Variants in MIPOL1 observed in about 807,000 individuals in gnomAD.
MIPOL1 encodes mirror-image polydactyly 1, also known as mirror-image polydactyly gene 1 protein.
In MIPOL1, 57 loss-of-function variants were observed where a neutral mutation model predicts 60.9. The observed-to-expected ratio is 0.94, with a 90% CI of 0.76 to 1.17. The LOEUF (loss-of-function observed/expected upper bound fraction) is 1.17. Ranked by LOEUF, MIPOL1 falls within the 50% of genes most tolerant of loss-of-function variation. MIPOL1 has a pLI of 0.00. For synonymous variants in MIPOL1, 179 were observed against 168.8 expected, an observed-to-expected ratio of 1.06 and a Z score of -0.47; for missense variants, 551 against 511.6, an observed-to-expected ratio of 1.08 and a Z score of -0.74.
At chr14:37,376,024 A>G (rs1595478136) in intron 10 of MIPOL1, among the ~76,000 whole-genome samples, 6 of 152,158 alleles carry the variant, frequency 3.9e-5, no homozygotes, top group Admixed American at 3.9e-4. Context: ...TTATTTTTTA[A>G]AATAAACTTT....
chr14:37,400,872 G>A (rs923757825), intron 10 of MIPOL1: 9 of 152,214 alleles, frequency 5.9e-5, no homozygotes, highest in African/African-American at 2.2e-4. Context: ...GATATGAATA[G>A]CCTTGAGGAA....
chr14:37,317,931 A>C (rs189782677), intron 9 of MIPOL1, among the ~76,000 whole-genome samples: 205 of 152,318 alleles, frequency 1.3e-3, no homozygotes, highest in African/African-American at 4.8e-3. Context: ...TAAAACTTGC[A>C]AACAATTTCC....
At chr14:37,412,492 A>G (rs149961813) in intron 10 of MIPOL1, among the ~76,000 whole-genome samples, 5 of 152,268 alleles carry the variant, frequency 3.3e-5, no homozygotes, top group African/African-American at 1.2e-4. Context: ...TTATAATTGT[A>G]TACAATAAGG....
At chr14:37,484,579 G>A (rs1023113877) in intron 11 of MIPOL1, among the ~76,000 whole-genome samples, 1 of 151,496 alleles carries the variant, frequency 6.6e-6, no homozygotes, top group East Asian at 1.9e-4. Context: ...CTCGTGATCC[G>A]CCCCCCTCAG....
chr14:37,525,891 T>G (rs966065311), intron 12 of MIPOL1, among the ~76,000 whole-genome samples: 1 of 152,200 alleles, frequency 6.6e-6, no homozygotes, highest in Non-Finnish European at 1.5e-5. Context: ...TTTACATTGC[T>G]TTGTGCCCAT....
intron 10 of MIPOL1, among the ~76,000 whole-genome samples, chr14:37,398,979 A>C (rs2093430280): frequency 6.6e-6 from 1 of 152,210 alleles, no homozygotes. Flanking sequence ...AGAATACCTA[A>C]TAAGTAGGGA....
intron 11 of MIPOL1, among the ~76,000 whole-genome samples, chr14:37,483,929 A>G (rs145422419): frequency 0.014 from 2,178 of 152,256 alleles, 22 homozygotes; most frequent in Middle Eastern, 0.031. Context: ...AGCCGCCACA[A>G]CTGTCCTGAA....
chr14:37,234,258 C>T (rs557352766), intron 1 of MIPOL1, among the ~76,000 whole-genome samples: 236 of 151,772 alleles, frequency 1.6e-3, no homozygotes, highest in Middle Eastern at 3.4e-3. Context: ...GGCATGGTCA[C>T]GACAATTTTT....
intron 12 of MIPOL1, among the ~76,000 whole-genome samples, chr14:37,509,364 A>C (rs1037699123): frequency 4.0e-5 from 6 of 151,604 alleles, no homozygotes; most frequent in Non-Finnish European, 8.8e-5. Flanking sequence ...ACACACACAG[A>C]CTCAAAGAGT....
intron 10 of MIPOL1, among the ~76,000 whole-genome samples, chr14:37,376,796 T>C (rs1184754966): frequency 6.6e-6 from 1 of 152,170 alleles, no homozygotes; most frequent in Non-Finnish European, 1.5e-5. Context: ...TTTGAGTATG[T>C]ACTAAGGAGT....
At chr14:37,351,094 T>G in intron 9 of MIPOL1, among the ~76,000 whole-genome samples, 1 of 132,550 alleles carries the variant, frequency 7.5e-6, no homozygotes, top group East Asian at 2.4e-4. Flanking sequence ...GAGTGTGATA[T>G]TCCCCTTTCT....
chr14:37,483,907 T>A (rs898436212), intron 11 of MIPOL1, among the ~76,000 whole-genome samples: 5 of 152,180 alleles, frequency 3.3e-5, no homozygotes. Context: ...AAGTGCTGAC[T>A]TCACAGGTGT....
At chr14:37,473,393 G>A (rs1029261911) in intron 11 of MIPOL1, among the ~76,000 whole-genome samples, 2 of 151,920 alleles carry the variant, frequency 1.3e-5, no homozygotes, top group Admixed American at 6.6e-5. Flanking sequence ...CCCCGCCTCA[G>A]GTATTATTTT....
At chr14:37,502,261 A>T (rs2095226596) in intron 12 of MIPOL1, 3 of 152,264 alleles carry the variant, frequency 2.0e-5, no homozygotes, top group Admixed American at 2.0e-4. Flanking sequence ...TCAGCATGGC[A>T]TTTGAGCTCT....
At chr14:37,285,832 T>G (rs552727157) in intron 7 of MIPOL1, among the ~76,000 whole-genome samples, 8 of 152,076 alleles carry the variant, frequency 5.3e-5, no homozygotes, top group African/African-American at 1.9e-4. Flanking sequence ...GACCTTGTGA[T>G]CTGCCCACCT....
At position 37,548,195 on chromosome 14, in the gene MIPOL1, A is replaced by G. The variant is rs989824104; in HGVS notation, c.*1224A>G. The G allele has an allele frequency of 2.3e-4, 35 of 152,004 alleles. No homozygotes were observed. Among genetic ancestry groups the G allele is most frequent in the African/African-American group, 8.2e-4 (34 of 41,432 alleles). The allele number at this position is 152,004 out of a possible 1,614,324, so 9.4% of individuals were successfully genotyped here. A position where few individuals can be genotyped will look rare whatever the true frequency, so the allele number is the denominator to read the frequency against. ...TATACGTTTTTAATTCATCTTTAAG[A>G]TTGAGCTAAATTATCTACCATTGCC... On this transcript the variant is annotated 3_prime_UTR_variant, in exon 13 of 13. Transcript: ENST00000684589.
intron 11 of MIPOL1, among the ~76,000 whole-genome samples, chr14:37,474,625 A>C (rs2094740943): frequency 6.6e-6 from 1 of 152,214 alleles, no homozygotes; most frequent in African/African-American, 2.4e-5. Context: ...TAAATTACCC[A>C]GTCTCAGGTA....
intron 3 of MIPOL1, among the ~76,000 whole-genome samples, chr14:37,255,419 TA>T (rs929921857): frequency 5.9e-5 from 9 of 151,928 alleles, no homozygotes; most frequent in East Asian, 1.9e-4. Context: ...AATACATTTT[TA>T]AAAAGTTTCT....
At position 37,270,528 on chromosome 14, in the gene MIPOL1, A is replaced by G; in HGVS notation, c.493+3A>G. ...TAAAATTGCTGAAAAGACAGCAGGT[A>G]TAGTAGAGGAGTATTAACACATGGC... On this transcript the variant is annotated splice_donor_region_variant and intron_variant, in intron 6 of 12. Transcript: ENST00000684589. 2 of 1,526,760 alleles carry G rather than the reference A, an allele frequency of 1.3e-6. No homozygotes were observed. Among genetic ancestry groups the G allele is most frequent in the South Asian group, 1.2e-5 (1 of 85,268 alleles). 94.6% of individuals were successfully genotyped at this position (1,526,760 alleles called of 1,614,324 possible). A position where few individuals can be genotyped will look rare whatever the true frequency, so the allele number is the denominator to read the frequency against.
Sources: gnomAD v4.1 joint callset for allele counts (sites outside exome capture counted in the v4.1 genomes callset) on GRCh38, gnomAD v4.1.1 for gene constraint, MANE v1.5 for transcripts, NCBI Gene and HGNC (gene_info 2026-07-23, HGNC 2026-07-21) for gene names.